SMARCA5: variants seen among roughly 807,000 people sequenced by gnomAD.
SMARCA5 encodes the protein SWI/SNF-related matrix-associated actin-dependent regulator of chromatin subfamily A member 5.
SMARCA5 carries 18 observed loss-of-function variants against 140.4 expected under a neutral mutation model. The ratio of observed to expected loss-of-function variants is 0.13; its 90% CI spans 0.09 to 0.19. SMARCA5 has a LOEUF of 0.19. SMARCA5 is among the 10% of genes least tolerant of loss of function. SMARCA5 has a pLI of 1.00. For synonymous variants in SMARCA5, 449 were observed against 419.6 expected, an observed-to-expected ratio of 1.07 and a Z score of -0.86; for missense variants, 606 against 1,276.8, an observed-to-expected ratio of 0.47 and a Z score of 8.01.
intron 23 of SMARCA5, among the ~76,000 whole-genome samples, chr4:143,551,303 T>C (rs547098479): frequency 1.3e-5 from 2 of 152,180 alleles, no homozygotes; most frequent in Admixed American, 1.3e-4. Flanking sequence ...CATATTCTGG[T>C]TATTTATTAA....
At position 143,528,778 on chromosome 4, in the gene SMARCA5, A is replaced by T. The variant is rs984381956; in HGVS notation, c.1089+64A>T. ...TTTGCTTAATGCTATATATTTTTGTAATAAAAGTGGCCTGCCTTTTAGCAT... is the reference window on the plus strand; with the variant it reads ...TTTGCTTAATGCTATATATTTTTGTTATAAAAGTGGCCTGCCTTTTAGCAT... On this transcript the variant is annotated intron_variant, in intron 8 of 23. Coordinates refer to ENST00000283131, the MANE Select transcript of SMARCA5 (RefSeq NM_003601.4). 3.4e-6 allele frequency: 5 copies of T among 1,477,140 alleles called. No individual in the cohort carries two copies. The African/African-American group carries it at 5.7e-5, about 17-fold the overall frequency. 91.5% of individuals were successfully genotyped at this position (1,477,140 alleles called of 1,614,324 possible).
intron 2 of SMARCA5, among the ~76,000 whole-genome samples, chr4:143,519,406 G>T (rs1044361781): frequency 6.6e-6 from 1 of 151,912 alleles, no homozygotes; most frequent in African/African-American, 2.4e-5. Flanking sequence ...TTCTGTATTT[G>T]CCTCCTTTCT....
intron 16 of SMARCA5, 115 bp from the exon 17 acceptor site, chr4:143,544,622 A>G: frequency 1.6e-6 from 1 of 629,002 alleles, no homozygotes; most frequent in Non-Finnish European, 2.8e-6. Context: ...ACCCTCATAG[A>G]GCTTATAGCC....
intron 2 of SMARCA5, among the ~76,000 whole-genome samples, chr4:143,518,825 G>A (rs1736896380): frequency 6.6e-6 from 1 of 151,904 alleles, no homozygotes; most frequent in African/African-American, 2.4e-5. Context: ...TTTGAATACA[G>A]TCTACATATT....
intron 1 of SMARCA5, among the ~76,000 whole-genome samples, chr4:143,515,938 C>T (rs1736819847): frequency 6.6e-6 from 1 of 151,202 alleles, no homozygotes; most frequent in Admixed American, 6.6e-5. Flanking sequence ...TTTTTTTATC[C>T]ATCTTATCAC....
chr4:143,554,572 G>A lies in SMARCA5; in HGVS notation c.*1388G>A, dbSNP rs1202543585. The stretch of plus-strand genomic sequence containing the variant: ...CTAATACTGCTTAATTTCTTGAAAT[G>A]TGGAATTGCTGCTGTTAATGTCAAG... On this transcript the variant is annotated 3_prime_UTR_variant, in exon 24 of 24. Transcript: ENST00000283131. 1 of 152,448 alleles carries A rather than the reference G, an allele frequency of 6.6e-6. No individual in the cohort carries two copies. Among genetic ancestry groups the A allele is most frequent in the African/African-American group, 2.4e-5 (1 of 41,436 alleles). 9.4% of individuals were successfully genotyped at this position (152,448 alleles called of 1,614,324 possible).
At chr4:143,514,774 A>T (rs868262068) in intron 1 of SMARCA5, 2 of 152,168 alleles carry the variant, frequency 1.3e-5, no homozygotes, top group African/African-American at 4.8e-5. Flanking sequence ...CGTCTAATTT[A>T]GGGGGGATGA....
In SMARCA5 at chr4:143,534,846, CT is replaced by C; in HGVS notation, c.1159-4del. On this transcript the variant is annotated splice_region_variant and splice_polypyrimidine_tract_variant and intron_variant, in intron 9 of 23. Coordinates refer to ENST00000283131, the MANE Select transcript of SMARCA5 (RefSeq NM_003601.4). ...TTGGTATTACCTGTTTATTTTTGTC[CT>C]TTTTAAGGTTTTGCGTCCATTCCTC... The C allele has an allele frequency of 1.3e-6, 2 of 1,599,654 alleles. No individual in the cohort carries two copies. Among genetic ancestry groups the C allele is most frequent in the Non-Finnish European group, 1.7e-6 (2 of 1,172,320 alleles).
intron 9 of SMARCA5, among the ~76,000 whole-genome samples, chr4:143,533,567 G>A (rs1737243354): frequency 6.8e-6 from 1 of 147,484 alleles, no homozygotes; most frequent in Non-Finnish European, 1.5e-5. Flanking sequence ...GAGTGCAGTG[G>A]CGCCATCTTG....
chr4:143,554,855 G>A lies in SMARCA5; in HGVS notation c.*1671G>A, dbSNP rs977496558. 3 of 213,954 alleles carry A rather than the reference G, an allele frequency of 1.4e-5. No homozygotes were observed. The South Asian group carries it at 2.2e-4, about 16-fold the overall frequency. 13.3% of individuals were successfully genotyped at this position (213,954 alleles called of 1,614,324 possible). A position where few individuals can be genotyped will look rare whatever the true frequency, so the allele number is the denominator to read the frequency against. ...CAAGAGGAGGAGAAACTGGGAGGGA[G>A]ATACACAGTGGAAATGCAAAATGAA... On this transcript the variant is annotated 3_prime_UTR_variant, in exon 24 of 24. Coordinates refer to ENST00000283131, the MANE Select transcript of SMARCA5 (RefSeq NM_003601.4).
intron 9 of SMARCA5, among the ~76,000 whole-genome samples, chr4:143,532,697 C>G (rs1385081494): frequency 6.6e-6 from 1 of 150,766 alleles, no homozygotes. Flanking sequence ...CCAAAAACAC[C>G]TTAACCCCCC....
intron 21 of SMARCA5, 72 bp from the exon 22 acceptor site, chr4:143,547,856 A>G: frequency 3.3e-6 from 3 of 902,292 alleles, no homozygotes; most frequent in South Asian, 2.1e-5. Context: ...AGCTAATTAT[A>G]CTAAAGCTGA....
chr4:143,536,724 C>A lies in SMARCA5; in HGVS notation c.1495+46C>A, dbSNP rs766082992. On this transcript the variant is annotated intron_variant, in intron 11 of 23. Coordinates refer to ENST00000283131, the MANE Select transcript of SMARCA5 (RefSeq NM_003601.4). ...ATTATCAAAACTGTTTTAAAATGCT[C>A]ATGTTAAAACAAAGGAGCACTGTAC... 5 of 1,325,516 alleles carry A rather than the reference C, an allele frequency of 3.8e-6. No individual in the cohort carries two copies. The South Asian group carries it at 6.2e-5, about 16-fold the overall frequency. The allele number at this position is 1,325,516 out of a possible 1,614,324, so 82.1% of individuals were successfully genotyped here. A position where few individuals can be genotyped will look rare whatever the true frequency, so the allele number is the denominator to read the frequency against.
chr4:143,516,100 A>C (rs1003881379), intron 1 of SMARCA5, among the ~76,000 whole-genome samples: 2 of 152,032 alleles, frequency 1.3e-5, no homozygotes, highest in African/African-American at 4.8e-5. Context: ...GTCACAACTT[A>C]ATCTGTTTTG....
chr4:143,516,524 T>C (rs1259418203), intron 1 of SMARCA5, among the ~76,000 whole-genome samples: 1 of 152,204 alleles, frequency 6.6e-6, no homozygotes, highest in Non-Finnish European at 1.5e-5. Context: ...CTTACATATG[T>C]AGACCAGAGA....
intron 23 of SMARCA5, 100 bp downstream of exon 23, chr4:143,550,204 T>G: frequency 1.7e-6 from 1 of 575,348 alleles, no homozygotes; most frequent in East Asian, 3.9e-5. Context: ...GTCCCTGTTG[T>G]GCACCCCTCC....
chr4:143,530,138 C>T (rs1737156763), intron 8 of SMARCA5, among the ~76,000 whole-genome samples: 1 of 152,158 alleles, frequency 6.6e-6, no homozygotes, highest in South Asian at 2.1e-4. Flanking sequence ...TTTTAATTTT[C>T]AAGCTTTTAT....
intron 22 of SMARCA5, 181 bp downstream of exon 22, chr4:143,548,321 TTAC>T: frequency 2.3e-6 from 1 of 434,280 alleles, no homozygotes; most frequent in Non-Finnish European, 4.1e-6. Flanking sequence ...CTTTAGTATC[TTAC>T]GTCTTTAAAT....
rs1031959121 is a variant in SMARCA5, at chr4:143,535,077, C to T, written c.1268+113C>T. The T allele has an allele frequency of 1.6e-5, 11 of 705,988 alleles. No individual in the cohort carries two copies. In the African/African-American group the frequency reaches 2.0e-4, roughly 13 times the overall value. 43.7% of individuals were successfully genotyped at this position (705,988 alleles called of 1,614,324 possible). On this transcript the variant is annotated intron_variant, in intron 10 of 23. Coordinates refer to ENST00000283131, the MANE Select transcript of SMARCA5 (RefSeq NM_003601.4). ...GAATTCCAATTTGCTGGATTGAACTCAACCTGAAAAGAGTTTTCTTGTCAC... is the reference window on the plus strand; with the variant it reads ...GAATTCCAATTTGCTGGATTGAACTTAACCTGAAAAGAGTTTTCTTGTCAC...
Sources: allele counts gnomAD v4.1 joint callset (sites outside exome capture counted in the v4.1 genomes callset), GRCh38; gene constraint gnomAD v4.1.1; transcripts MANE v1.5; gene names NCBI Gene and HGNC (gene_info 2026-07-23, HGNC 2026-07-21).